The following OTUD7A variants were observed in gnomAD, a reference collection of about 807,000 sequenced individuals.
OTUD7A encodes OTU domain-containing protein 7A.
A neutral mutation model predicts 65.7 loss-of-function variants in OTUD7A; 12 were observed. The ratio of observed to expected loss-of-function variants is 0.18; its 90% CI spans 0.12 to 0.30. The LOEUF (loss-of-function observed/expected upper bound fraction) is 0.30, where lower values mean the gene tolerates loss of function less well. Ranked by LOEUF, OTUD7A falls within the 10% of genes least tolerant of loss-of-function variation. The pLI, the probability that OTUD7A is intolerant of heterozygous loss-of-function variation, is 1.00. For synonymous variants in OTUD7A, 641 were observed against 586.3 expected (o/e 1.09, Z -1.35); for missense variants, 1,148 against 1,304.8 (o/e 0.88, Z 1.85).
chr15:31,846,335 T>G (rs756229923), intron 1 of OTUD7A, among the ~76,000 whole-genome samples: 3 of 152,014 alleles, frequency 2.0e-5, no homozygotes, highest in African/African-American at 7.3e-5. Flanking sequence ...GGGTAGAGGT[T>G]TGTGGAGGAA....
In OTUD7A at chr15:31,484,025, C is replaced by T. The variant is rs2041189635; in HGVS notation, c.2071G>A (p.Ala691Thr). 1.6e-6 allele frequency: 2 copies of T among 1,232,804 alleles called. No individual in the cohort carries two copies. Among genetic ancestry groups the T allele is most frequent in the East Asian group, 3.2e-5 (1 of 30,876 alleles). The allele number at this position is 1,232,804 out of a possible 1,614,324, so 76.4% of individuals were successfully genotyped here. A position where few individuals can be genotyped will look rare whatever the true frequency, so the allele number is the denominator to read the frequency against. Residue 691 changes from alanine to threonine, a missense_variant, in exon 13 of 13, where the codon GCC (alanine) becomes ACC (threonine). Physicochemically the swap from Ala to Thr is moderately conservative, Grantham distance 58. Coordinates refer to ENST00000307050, the MANE Select transcript of OTUD7A (RefSeq NM_001382637.1). This position sits in a 1 kb window ranked among gnomAD's most constrained non-coding sequence, Gnocchi z 4.5. ...RDAATAAAAA[A>T]AAAAATAKRP... ...TTGGCCGTGGCGGCGGCGGCGGCGG[C>T]GGCAGCGGCGGCCGCAGTAGCGGCG...
chr15:31,673,356 C>G (rs759078398), intron 1 of OTUD7A, among the ~76,000 whole-genome samples: 3 of 152,174 alleles, frequency 2.0e-5, no homozygotes, highest in Admixed American at 2.0e-4. Flanking sequence ...TTTGTAAGGA[C>G]CCAAAACATG....
At chr15:31,699,182 C>T (rs934448643) in intron 1 of OTUD7A, among the ~76,000 whole-genome samples, 9 of 151,016 alleles carry the variant, frequency 6.0e-5, no homozygotes, top group African/African-American at 2.2e-4. Flanking sequence ...TGAGTTCATG[C>T]CATTCTCCTG....
intron 5 of OTUD7A, among the ~76,000 whole-genome samples, chr15:31,544,274 A>C (rs1045928693): frequency 2.6e-5 from 4 of 151,842 alleles, no homozygotes; most frequent in African/African-American, 9.7e-5. Context: ...AATACTTGCA[A>C]GAGTTAAAAA....
chr15:31,690,452 T>C (rs1454791541), intron 1 of OTUD7A, among the ~76,000 whole-genome samples: 1 of 152,134 alleles, frequency 6.6e-6, no homozygotes, highest in East Asian at 1.9e-4. Context: ...CAAGACAATC[T>C]TGAAAAAGAA....
intron 1 of OTUD7A, among the ~76,000 whole-genome samples, chr15:31,688,010 G>A (rs574225457): frequency 1.3e-5 from 2 of 152,294 alleles, no homozygotes; most frequent in South Asian, 2.1e-4. Context: ...GAGGTCAAGA[G>A]ATTGAGACCA....
intron 1 of OTUD7A, among the ~76,000 whole-genome samples, chr15:31,749,134 T>C (rs1267146493): frequency 3.9e-5 from 3 of 76,160 alleles, no homozygotes; most frequent in Non-Finnish European, 7.4e-5. Flanking sequence ...CGGGGCCTGT[T>C]GTGGGGTGGG....
intron 3 of OTUD7A, among the ~76,000 whole-genome samples, chr15:31,588,837 C>T (rs1016662581): frequency 6.6e-6 from 1 of 152,200 alleles, no homozygotes; most frequent in Non-Finnish European, 1.5e-5. Context: ...TTTCCAGGGA[C>T]TATGGCAGCC....
At chr15:31,716,843 C>T (rs1304445001) in intron 1 of OTUD7A, among the ~76,000 whole-genome samples, 1 of 152,164 alleles carries the variant, frequency 6.6e-6, no homozygotes, top group African/African-American at 2.4e-5. Context: ...AGGCCTTCAC[C>T]GTGGGGATGA....
chr15:31,860,013 C>G (rs1897679002), intron 1 of OTUD7A, among the ~76,000 whole-genome samples: 1 of 152,132 alleles, frequency 6.6e-6, no homozygotes, highest in Non-Finnish European at 1.5e-5. Flanking sequence ...GATCACATGT[C>G]TTTTCTTCCA....
At chr15:31,567,704 T>A (rs1372499964) in intron 4 of OTUD7A, among the ~76,000 whole-genome samples, 2 of 152,212 alleles carry the variant, frequency 1.3e-5, no homozygotes, top group African/African-American at 4.8e-5. Context: ...ACAGGCCTAG[T>A]TGGAAAGAAT....
intron 3 of OTUD7A, among the ~76,000 whole-genome samples, chr15:31,653,386 T>A (rs1891897673): frequency 6.6e-6 from 1 of 151,776 alleles, no homozygotes; most frequent in Non-Finnish European, 1.5e-5. Flanking sequence ...GACAGATGAG[T>A]GGAGAAATTC....
At chr15:31,753,178 CTT>C (rs1445791609) in intron 1 of OTUD7A, among the ~76,000 whole-genome samples, 1 of 152,014 alleles carries the variant, frequency 6.6e-6, no homozygotes, top group African/African-American at 2.4e-5. Context: ...ACCACCATTA[CTT>C]CTTGTACCAT....
Position 31,484,283 on chromosome 15 carries a change from C to T in OTUD7A, c.1813G>A (p.Ala605Thr), listed in dbSNP as rs758435743. Residue 605 changes from alanine to threonine, a missense_variant, in exon 13 of 13, where the codon GCG becomes ACG. This residue lies in a region of OTUD7A where 842 missense variants were observed against 769.5 expected (regional missense o/e 1.09). Coordinates refer to ENST00000307050, the MANE Select transcript of OTUD7A (RefSeq NM_001382637.1). The surrounding 1 kb of genome is among the most constrained non-coding windows in gnomAD (Gnocchi z 4.5). ...TPSPTDKAAG[A>T]SPAEKGGGPR... ...CCACCGCCCTTCTCCGCCGGCGACG[C>T]GCCCGCTGCCTTGTCTGTGGGCGAC... 15 of 1,592,930 alleles carry T rather than the reference C, an allele frequency of 9.4e-6. No individual in the cohort carries two copies. Among genetic ancestry groups the T allele is most frequent in the Non-Finnish European group, 1.3e-5 (15 of 1,173,974 alleles).
At chr15:31,808,098 AACACACACAC>A (rs55911531) in intron 1 of OTUD7A, among the ~76,000 whole-genome samples, 5 of 95,800 alleles carry the variant, frequency 5.2e-5, no homozygotes, top group Non-Finnish European at 1.1e-4. Flanking sequence ...ACAAATGCCA[AACACACACAC>A]ACACACACAC....
chr15:31,815,757 G>A (rs1311817694), intron 1 of OTUD7A, among the ~76,000 whole-genome samples: 1 of 152,232 alleles, frequency 6.6e-6, no homozygotes, highest in Non-Finnish European at 1.5e-5. Context: ...AATCCCACGG[G>A]GGTTGTTTTG....
chr15:31,697,693 C>A (rs201425486), intron 1 of OTUD7A, among the ~76,000 whole-genome samples: 1 of 138,614 alleles, frequency 7.2e-6, no homozygotes, highest in Admixed American at 7.1e-5. Flanking sequence ...ACAACAACCC[C>A]GCGCTGCAGG....
rs372063675 is a variant in OTUD7A at position 31,832,956 on chromosome 15, A to G, written c.-100+37551T>C. Among the ~76,000 whole-genome samples, 11 of 152,314 alleles carry G rather than the reference A, an allele frequency of 7.2e-5. No individual in the cohort carries two copies. The East Asian group carries it at 1.5e-3, about 21-fold the overall frequency. On this transcript the variant is annotated intron_variant, in intron 1 of 12. Transcript: ENST00000307050. ...TTCAATTCTTTTGGACATACACCCA[A>G]AAGTGGGACTGCTGGATCCTACGGT...
At chr15:31,726,396 C>G (rs1893887821) in intron 1 of OTUD7A, among the ~76,000 whole-genome samples, 1 of 151,886 alleles carries the variant, frequency 6.6e-6, no homozygotes, top group Non-Finnish European at 1.5e-5. Flanking sequence ...GCATTTTTCC[C>G]ACTTAAGTAG....
Sources: allele counts gnomAD v4.1 joint callset (sites outside exome capture counted in the v4.1 genomes callset), GRCh38; gene constraint gnomAD v4.1.1; regional missense constraint gnomAD v4.1.1; non-coding constraint Gnocchi (gnomAD v3.1); transcripts MANE v1.5; gene names NCBI Gene and HGNC (gene_info 2026-07-23, HGNC 2026-07-21).